The following LRRC4C variants were observed in gnomAD, a reference collection of about 807,000 sequenced individuals.
LRRC4C encodes leucine rich repeat containing 4C.
Under a neutral mutation model 33.6 loss-of-function variants are expected in LRRC4C, and 5 were observed. That is an observed-to-expected ratio of 0.15 (90% CI 0.08 to 0.31). LRRC4C has a LOEUF of 0.31. LRRC4C is among the 10% of genes least tolerant of loss of function. LRRC4C has a pLI of 1.00. For synonymous variants in LRRC4C, 329 were observed against 302.0 expected (o/e 1.09, Z -0.93); for missense variants, 560 against 796.7 (o/e 0.70, Z 3.58).
intron 2 of LRRC4C, among the ~76,000 whole-genome samples, chr11:40,825,687 T>C (rs944047550): frequency 3.3e-5 from 5 of 151,658 alleles, no homozygotes; most frequent in East Asian, 1.9e-4. Flanking sequence ...CTTCAGAGAA[T>C]AGTAGAGTAA....
chr11:41,185,129 G>T (rs915471998), intron 1 of LRRC4C, among the ~76,000 whole-genome samples: 3 of 152,080 alleles, frequency 2.0e-5, no homozygotes, highest in Admixed American at 2.0e-4. Flanking sequence ...TTTCGGTGGG[G>T]ACACAGCCAA....
intron 4 of LRRC4C, among the ~76,000 whole-genome samples, chr11:40,242,280 G>A (rs1465718010): frequency 6.6e-6 from 1 of 152,184 alleles, no homozygotes; most frequent in East Asian, 1.9e-4. Context: ...AATGAAGAGT[G>A]TGTGATGATC....
intron 1 of LRRC4C, among the ~76,000 whole-genome samples, chr11:40,943,185 C>A (rs1156308538): frequency 6.6e-6 from 1 of 152,154 alleles, no homozygotes; most frequent in East Asian, 1.9e-4. Flanking sequence ...GAAGAAATGA[C>A]TAAATAACTA....
intron 1 of LRRC4C, among the ~76,000 whole-genome samples, chr11:41,015,469 T>G (rs1855514415): frequency 6.6e-6 from 1 of 152,060 alleles, no homozygotes; most frequent in African/African-American, 2.4e-5. Flanking sequence ...GCTGGGATTA[T>G]AGGCACACAC....
chr11:41,037,574 TCACACACACACACACACA>T (rs56234239), intron 1 of LRRC4C, among the ~76,000 whole-genome samples: 21,676 of 148,928 alleles, frequency 0.15, 1,682 homozygotes, highest in Middle Eastern at 0.21. Flanking sequence ...TCTTTTCCTT[TCACACACACACACACACA>T]CACACACACA....
chr11:40,389,821 C>A (rs1949268003), intron 3 of LRRC4C, among the ~76,000 whole-genome samples: 1 of 152,102 alleles, frequency 6.6e-6, no homozygotes, highest in African/African-American at 2.4e-5. Context: ...CTGGACCAGG[C>A]ATACAATTAG....
At chr11:41,012,148 A>C (rs1855247544) in intron 1 of LRRC4C, among the ~76,000 whole-genome samples, 1 of 151,998 alleles carries the variant, frequency 6.6e-6, no homozygotes, top group East Asian at 1.9e-4. Flanking sequence ...AACTACAGTC[A>C]CTCTACTGGT....
intron 3 of LRRC4C, among the ~76,000 whole-genome samples, chr11:40,378,397 T>C (rs1948739466): frequency 6.6e-6 from 1 of 151,976 alleles, no homozygotes; most frequent in Non-Finnish European, 1.5e-5. Flanking sequence ...CCATGAACAA[T>C]TAAATTATGA....
intron 1 of LRRC4C, among the ~76,000 whole-genome samples, chr11:41,078,633 C>A (rs758610060): frequency 1.3e-5 from 2 of 152,058 alleles, no homozygotes; most frequent in Admixed American, 6.5e-5. Flanking sequence ...ATTAAGAGAA[C>A]AAGCAAAGGG....
intron 3 of LRRC4C, among the ~76,000 whole-genome samples, chr11:40,368,112 G>C (rs1179389934): frequency 1.3e-5 from 2 of 152,030 alleles, no homozygotes; most frequent in Non-Finnish European, 2.9e-5. Context: ...CATTTGTATT[G>C]ATTATAAAGT....
chr11:40,273,936 A>G (rs2136367635), intron 4 of LRRC4C, among the ~76,000 whole-genome samples: 1 of 152,148 alleles, frequency 6.6e-6, no homozygotes, highest in African/African-American at 2.4e-5. Context: ...TTCAACCAAG[A>G]GTTTAGTCTA....
Position 40,732,943 on chromosome 11 carries a change from C to G in LRRC4C, c.-406-84665G>C, listed in dbSNP as rs1015800060. Among the ~76,000 whole-genome samples the G allele has an allele frequency of 4.0e-5, 6 of 150,566 alleles. No individual in the cohort carries two copies. In the East Asian group the frequency reaches 1.2e-3, roughly 30 times the overall value. On this transcript the variant is annotated intron_variant, in intron 2 of 6. Coordinates refer to ENST00000528697, the MANE Select transcript of LRRC4C (RefSeq NM_001258419.2). ...TACTATATGCTAAATACTTTGGTTT[C>G]TATTTTACAGATGAGGACTGTAACA... is the stretch of plus-strand genomic sequence containing the variant.
intron 3 of LRRC4C, among the ~76,000 whole-genome samples, chr11:40,425,395 A>AT (rs1950673908): frequency 6.6e-6 from 1 of 152,190 alleles, no homozygotes; most frequent in Non-Finnish European, 1.5e-5. Context: ...GGGATGAGGT[A>AT]TTTTTGATGA....
intron 2 of LRRC4C, among the ~76,000 whole-genome samples, chr11:40,777,016 C>G (rs945411396): frequency 6.6e-6 from 1 of 152,032 alleles, no homozygotes; most frequent in Non-Finnish European, 1.5e-5. Context: ...TTTTAAATTT[C>G]CATGTAATTG....
At chr11:40,578,542 T>C (rs1958321886) in intron 3 of LRRC4C, among the ~76,000 whole-genome samples, 2 of 152,130 alleles carry the variant, frequency 1.3e-5, no homozygotes, top group Non-Finnish European at 2.9e-5. Flanking sequence ...TATACCTGTC[T>C]CTTTCTCTCT....
At chr11:40,179,270 C>A (rs1358315939) in intron 5 of LRRC4C, among the ~76,000 whole-genome samples, 1 of 152,062 alleles carries the variant, frequency 6.6e-6, no homozygotes, top group Admixed American at 6.6e-5. Context: ...TCTCAAATTG[C>A]TGGGATTATA....
intron 2 of LRRC4C, among the ~76,000 whole-genome samples, chr11:40,804,561 A>G (rs772072982): frequency 4.6e-5 from 7 of 152,182 alleles, no homozygotes; most frequent in Non-Finnish European, 1.0e-4. Context: ...GAAACAGAGG[A>G]AAATGCTCCC....
intron 2 of LRRC4C, among the ~76,000 whole-genome samples, chr11:40,912,302 T>G (rs1302107669): frequency 6.6e-6 from 1 of 152,058 alleles, no homozygotes; most frequent in East Asian, 1.9e-4. Flanking sequence ...GAGAGAAAGG[T>G]TGGATTACCC....
chr11:40,342,312 A>T (rs1391797230), intron 3 of LRRC4C, among the ~76,000 whole-genome samples: 1 of 152,108 alleles, frequency 6.6e-6, no homozygotes, highest in Non-Finnish European at 1.5e-5. Context: ...TACTAAAAAT[A>T]CAAAAAATTA....
Sources: allele counts gnomAD v4.1 joint callset (sites outside exome capture counted in the v4.1 genomes callset), GRCh38; gene constraint gnomAD v4.1.1; transcripts MANE v1.5; gene names NCBI Gene and HGNC (gene_info 2026-07-23, HGNC 2026-07-21).